KHDRBS2: variants seen among roughly 807,000 people sequenced by gnomAD.
The protein encoded by KHDRBS2 is KH domain-containing, RNA-binding, signal transduction-associated protein 2.
KHDRBS2 carries 26 observed loss-of-function variants against 44.3 expected under a neutral mutation model. That is an observed-to-expected ratio of 0.59 (90% confidence interval 0.43 to 0.81). The LOEUF (loss-of-function observed/expected upper bound fraction) is 0.81, where lower values mean the gene tolerates loss of function less well. KHDRBS2 is among the 40% of genes least tolerant of loss of function. The pLI is 0.00. For missense variants in KHDRBS2, 476 were observed against 433.1 expected (o/e 1.10, Z -0.88); for synonymous variants, 194 against 151.1 (o/e 1.28, Z -2.08).
At chr6:61,906,319 T>C (rs1457939098) in intron 4 of KHDRBS2, among the ~76,000 whole-genome samples, 1 of 152,176 alleles carries the variant, frequency 6.6e-6, no homozygotes, top group Non-Finnish European at 1.5e-5. Context: ...TTGATATAGG[T>C]ATATGATTTG....
chr6:62,211,143 TAA>T lies in KHDRBS2; in HGVS notation c.92-33833_92-33832del, dbSNP rs547204737. ...TAAAGCATTTAAATTCCTGTAATTA[TAA>T]GTTAGTCTCTACCAAAACAGATAAT... On this transcript the variant is annotated intron_variant, in intron 1 of 8. Transcript: ENST00000281156. Among the ~76,000 whole-genome samples, 488 of 152,288 alleles carry T rather than the reference TAA, an allele frequency of 3.2e-3. 5 individuals carry two copies. The highest frequency in any genetic ancestry group is 0.011 in the African/African-American group (457 of 41,572).
chr6:61,555,886 G>A, the KHDRBS2 span, among the ~76,000 whole-genome samples: 1 of 152,196 alleles, frequency 6.6e-6, no homozygotes, highest in South Asian at 2.1e-4. Flanking sequence ...TTGGGAACCT[G>A]CTGTGCTGGA....
At chr6:62,191,177 T>G (rs745738307) in intron 1 of KHDRBS2, among the ~76,000 whole-genome samples, 8 of 152,162 alleles carry the variant, frequency 5.3e-5, no homozygotes, top group Non-Finnish European at 2.9e-5. Flanking sequence ...TTCTCACTGT[T>G]GAAGGTTAAA....
At chr6:61,879,679 A>C (rs2127315272) in intron 6 of KHDRBS2, among the ~76,000 whole-genome samples, 1 of 152,038 alleles carries the variant, frequency 6.6e-6, no homozygotes, top group South Asian at 2.1e-4. Context: ...GTATCCTTTA[A>C]CATACTAACA....
chr6:61,772,134 G>A (rs529941186), intron 6 of KHDRBS2, among the ~76,000 whole-genome samples: 16 of 152,130 alleles, frequency 1.1e-4, no homozygotes, highest in African/African-American at 1.7e-4. Context: ...CGAGAACAAA[G>A]ACACAACATT....
the KHDRBS2 span, among the ~76,000 whole-genome samples, chr6:61,560,602 G>A: frequency 0.21 from 32,157 of 151,972 alleles, 3,660 homozygotes; most frequent in East Asian, 0.29. Context: ...AAAGGACTCT[G>A]ATGCATTCTT....
At chr6:62,150,794 A>C (rs1339970577) in intron 2 of KHDRBS2, among the ~76,000 whole-genome samples, 1 of 152,184 alleles carries the variant, frequency 6.6e-6, no homozygotes, top group African/African-American at 2.4e-5. Context: ...TTACATTCCC[A>C]CAACCCAGTG....
At chr6:61,851,075 C>G in intron 6 of KHDRBS2, among the ~76,000 whole-genome samples, 1 of 152,018 alleles carries the variant, frequency 6.6e-6, no homozygotes, top group East Asian at 1.9e-4. Flanking sequence ...CAGTTGGTCA[C>G]TCATCTCCAT....
At chr6:61,673,137 G>T in the KHDRBS2 span, among the ~76,000 whole-genome samples, 3 of 151,870 alleles carry the variant, frequency 2.0e-5, no homozygotes, top group Non-Finnish European at 1.5e-5. Context: ...TCTCAGGTTT[G>T]TCAAAGATCA....
chr6:61,706,642 A>G (rs1769613694), intron 7 of KHDRBS2, among the ~76,000 whole-genome samples: 1 of 151,828 alleles, frequency 6.6e-6, no homozygotes, highest in African/African-American at 2.4e-5. Flanking sequence ...ACATAATTCA[A>G]TAAGTATTTA....
rs568714414 is a variant in KHDRBS2 at position 61,951,301 on chromosome 6, G to A, written c.483+26765C>T. On this transcript the variant is annotated intron_variant, in intron 4 of 8. Transcript: ENST00000281156. ...GCAAAAAGGAAGTAAATTCTCTTTG[G>A]AGAAGAAATTCTTCATGTGACTGTA... 1.9e-3 allele frequency among the ~76,000 whole-genome samples: 294 copies of A among 152,114 alleles called. 1 individual carries two copies. Among genetic ancestry groups the A allele is most frequent in the Middle Eastern group, 0.014 (4 of 294 alleles).
At chr6:62,139,138 A>C (rs1036217444) in intron 2 of KHDRBS2, among the ~76,000 whole-genome samples, 1 of 152,170 alleles carries the variant, frequency 6.6e-6, no homozygotes, top group Non-Finnish European at 1.5e-5. Flanking sequence ...CTTTTCAAGA[A>C]GCCATTCACA....
At chr6:61,859,313 C>T (rs79971276) in intron 6 of KHDRBS2, among the ~76,000 whole-genome samples, 10,451 of 151,714 alleles carry the variant, frequency 0.069, 416 homozygotes, top group Middle Eastern at 0.13. Flanking sequence ...GAGATGTACA[C>T]ATTAGCACAA....
intron 1 of KHDRBS2, among the ~76,000 whole-genome samples, chr6:62,267,990 A>G (rs1163126253): frequency 3.3e-5 from 5 of 152,114 alleles, no homozygotes; most frequent in African/African-American, 7.2e-5. Context: ...GTATCAACAC[A>G]TAGCTTTTGA....
At chr6:61,570,760 C>T in the KHDRBS2 span, among the ~76,000 whole-genome samples, 1 of 152,074 alleles carries the variant, frequency 6.6e-6, no homozygotes, top group East Asian at 1.9e-4. Context: ...ATTGGGGTCC[C>T]ATCTTTAGCT....
In KHDRBS2 at chr6:61,994,760, A is replaced by G. The variant is rs540670057; in HGVS notation, c.337-16548T>C. Among the ~76,000 whole-genome samples, 7 of 152,310 alleles carry G rather than the reference A, an allele frequency of 4.6e-5. No homozygotes were observed. In the East Asian group the frequency reaches 1.2e-3, roughly 25 times the overall value. ...ATGCAAAATATTTATTGTAAGTGCA[A>G]TAAAAGAAACAAAAGGAGTGGGAAG... On this transcript the variant is annotated intron_variant, in intron 3 of 8. Transcript: ENST00000281156.
At chr6:61,664,804 A>C in the KHDRBS2 span, among the ~76,000 whole-genome samples, 1 of 151,700 alleles carries the variant, frequency 6.6e-6, no homozygotes, top group Non-Finnish European at 1.5e-5. Context: ...ACACTGTTTC[A>C]CTGAAATATA....
chr6:61,848,576 C>CAT lies in KHDRBS2; in HGVS notation c.810+46057_810+46058dup, dbSNP rs767893776. The stretch of plus-strand genomic sequence containing the variant: ...ACATATATATATGTATATATATATA[C>CAT]ATATATATATATATATACTTTTTTT... On this transcript the variant is annotated intron_variant, in intron 6 of 8. Coordinates refer to ENST00000281156, the MANE Select transcript of KHDRBS2 (RefSeq NM_152688.4). Among the ~76,000 whole-genome samples the CAT allele has an allele frequency of 8.6e-3, 259 of 29,998 alleles. 26 individuals are homozygous for CAT. Among genetic ancestry groups the CAT allele is most frequent in the African/African-American group, 0.021 (150 of 7,096 alleles). 19.7% of individuals were successfully genotyped at this position (29,998 alleles called of 152,430 possible). A position where few individuals can be genotyped will look rare whatever the true frequency, so the allele number is the denominator to read the frequency against.
At chr6:62,026,673 C>T (rs1173577007) in intron 3 of KHDRBS2, among the ~76,000 whole-genome samples, 1 of 151,684 alleles carries the variant, frequency 6.6e-6, no homozygotes, top group East Asian at 1.9e-4. Context: ...CCTGCCTCAG[C>T]CTTTTAAATT....
Sources: gnomAD v4.1 joint callset for allele counts (sites outside exome capture counted in the v4.1 genomes callset) on GRCh38, gnomAD v4.1.1 for gene constraint, MANE v1.5 for transcripts, NCBI Gene and HGNC (gene_info 2026-07-23, HGNC 2026-07-21) for gene names.